The following SNTB2 variants were observed in gnomAD, a reference collection of about 807,000 sequenced individuals.
The protein encoded by SNTB2 is beta-2-syntrophin.
SNTB2 carries 34 observed loss-of-function variants against 46.2 expected under a neutral mutation model. The observed-to-expected ratio is 0.74, with a 90% CI of 0.56 to 0.98. SNTB2 has a LOEUF of 0.98. Among genes scored for constraint, SNTB2 ranks in the 50% least tolerant of loss-of-function variants. SNTB2 has a pLI of 0.00. For missense variants in SNTB2, 603 were observed against 731.4 expected, an observed-to-expected ratio of 0.82 and a Z score of 2.02; for synonymous variants, 290 against 312.6, an observed-to-expected ratio of 0.93 and a Z score of 0.76.
intron 1 of SNTB2, among the ~76,000 whole-genome samples, chr16:69,213,741 AC>A (rs1375527423): frequency 1.4e-5 from 2 of 143,332 alleles, no homozygotes; most frequent in Non-Finnish European, 3.0e-5. Context: ...CTTGTGTTCC[AC>A]CCGCCTTAGC....
chr16:69,252,941 C>T (rs1964739920), intron 2 of SNTB2, among the ~76,000 whole-genome samples: 1 of 150,314 alleles, frequency 6.7e-6, no homozygotes, highest in Admixed American at 6.6e-5. Context: ...TCTTTGTCGC[C>T]CAGGCAGGAG....
chr16:69,273,090 G>A (rs1286411549), intron 4 of SNTB2, among the ~76,000 whole-genome samples: 1 of 152,114 alleles, frequency 6.6e-6, no homozygotes, highest in East Asian at 1.9e-4. Context: ...AATAAAAAGT[G>A]TGAACAACGA....
chr16:69,290,826 AG>A lies in SNTB2; in HGVS notation c.1345+6583del, dbSNP rs1965153387. On this transcript the variant is annotated intron_variant, in intron 5 of 6. Coordinates refer to ENST00000336278, the MANE Select transcript of SNTB2 (RefSeq NM_006750.4). ...TTTTCAAGATATGGGAACTGGTGTT[AG>A]TATGGTTAGGACTTGAACTGGGGCC... Among the ~76,000 whole-genome samples, 6 of 152,180 alleles carry A rather than the reference AG, an allele frequency of 3.9e-5. No individual in the cohort carries two copies. In the South Asian group the frequency reaches 1.2e-3, roughly 32 times the overall value.
intron 1 of SNTB2, among the ~76,000 whole-genome samples, chr16:69,236,215 A>G (rs941055209): frequency 2.2e-4 from 33 of 152,154 alleles, no homozygotes; most frequent in African/African-American, 8.0e-4. Context: ...TGGAAAGATG[A>G]ATTTATACAC....
In SNTB2 at chr16:69,227,330, T is replaced by C. The variant is rs112810439; in HGVS notation, c.581-18272T>C. 2.7e-3 allele frequency among the ~76,000 whole-genome samples: 412 copies of C among 152,360 alleles called. 1 individual carries two copies. The highest frequency in any genetic ancestry group is 4.6e-3 in the Admixed American group (70 of 15,292). On this transcript the variant is annotated intron_variant, in intron 1 of 6. Coordinates refer to ENST00000336278, the MANE Select transcript of SNTB2 (RefSeq NM_006750.4). Reference sequence around the variant, plus strand: ...CAATGCACTGACAATTTTTGACCAATGTATAAAATTTATTTGTGCTACACC... The same window carrying C: ...CAATGCACTGACAATTTTTGACCAACGTATAAAATTTATTTGTGCTACACC...
intron 1 of SNTB2, among the ~76,000 whole-genome samples, chr16:69,214,347 C>G (rs1400040718): frequency 6.6e-6 from 1 of 150,726 alleles, no homozygotes; most frequent in Non-Finnish European, 1.5e-5. Context: ...AGAGTTTCAC[C>G]ATGTTGGCCA....
At chr16:69,199,747 A>G (rs1355604768) in intron 1 of SNTB2, among the ~76,000 whole-genome samples, 2 of 152,136 alleles carry the variant, frequency 1.3e-5, no homozygotes, top group African/African-American at 4.8e-5. Flanking sequence ...GTGAATGGGC[A>G]AGACTCTCAT....
At chr16:69,249,759 T>A (rs1964707748) in intron 2 of SNTB2, among the ~76,000 whole-genome samples, 1 of 152,170 alleles carries the variant, frequency 6.6e-6, no homozygotes, top group African/African-American at 2.4e-5. Context: ...GTTTTGAGAT[T>A]CTCAGTCTTA....
At chr16:69,189,073 T>C (rs943731476) in intron 1 of SNTB2, among the ~76,000 whole-genome samples, 2 of 152,112 alleles carry the variant, frequency 1.3e-5, no homozygotes, top group African/African-American at 4.8e-5. Context: ...CTTGGCACAA[T>C]GGATTTTCAC....
rs1965271590 is a variant in SNTB2 at position 69,300,837 on chromosome 16, G to A, written c.1536G>A (p.Met512Ile). Residue 512 changes from methionine to isoleucine, a missense_variant, in exon 7 of 7, where the codon ATG becomes ATA. By Grantham distance (10) the Met-to-Ile change is conservative. This residue lies in a region of SNTB2 where 537 missense variants were observed against 692.4 expected (regional missense o/e 0.78). Transcript: ENST00000336278. ...DFGGPEGELT[M>I]DLHSCPKPIV... ...TTAGTGTCCTTTCTCCACAGACCAT[G>A]GACCTGCACTCTTGTCCGAAGCCGA... 1 of 1,611,880 alleles carries A rather than the reference G, an allele frequency of 6.2e-7. No homozygotes were observed. Among genetic ancestry groups the A allele is most frequent in the East Asian group, 2.2e-5 (1 of 44,880 alleles).
At chr16:69,203,758 T>TTAA (rs1964188307) in intron 1 of SNTB2, among the ~76,000 whole-genome samples, 2 of 152,248 alleles carry the variant, frequency 1.3e-5, no homozygotes, top group Admixed American at 6.5e-5. Flanking sequence ...TGCTTGTTTA[T>TTAA]TAATAATAAT....
At chr16:69,244,293 G>A (rs1463416656) in intron 1 of SNTB2, among the ~76,000 whole-genome samples, 1 of 152,180 alleles carries the variant, frequency 6.6e-6, no homozygotes, top group African/African-American at 2.4e-5. Flanking sequence ...AGCACGGTAA[G>A]CATAATGTAC....
rs773309879 is a variant in SNTB2, at chr16:69,284,228, C to G, written c.1329C>G (p.Ile443Met). The G allele has an allele frequency of 1.2e-6, 2 of 1,610,648 alleles. No homozygotes were observed. The highest frequency in any genetic ancestry group is 4.5e-5 in the East Asian group (2 of 44,818). The change falls in exon 5 of 7, where the codon ATC (isoleucine) becomes ATG (methionine). Residue 443 changes from isoleucine (I) to methionine (M), a missense_variant. Ile to Met is a conservative substitution (Grantham distance 10). This residue lies in a region of SNTB2 where 537 missense variants were observed against 692.4 expected (regional missense o/e 0.78). Transcript: ENST00000336278. ...VQGCHAAAEL[I>M]KEVSLGCMLN... is the part of the protein sequence containing the mutation. ...GTTGCCATGCTGCTGCTGAGCTGAT[C>G]AAGGAAGTCTCTCTAGGTAGAGATG... is the stretch of plus-strand genomic sequence containing the variant.
intron 4 of SNTB2, among the ~76,000 whole-genome samples, chr16:69,280,594 C>CA (rs1244730371): frequency 7.0e-6 from 1 of 142,520 alleles, no homozygotes; most frequent in African/African-American, 2.9e-5. Flanking sequence ...GGGGGCTGAA[C>CA]CCCCCACCTC....
chr16:69,187,894 A>T, intron 1 of SNTB2, 148 bp downstream of exon 1: 1 of 673,390 alleles, frequency 1.5e-6, no homozygotes, highest in Non-Finnish European at 2.3e-6. Flanking sequence ...GTGTGGAAAA[A>T]CGGATGCTTC....
At chr16:69,234,488 G>A (rs1964538051) in intron 1 of SNTB2, among the ~76,000 whole-genome samples, 1 of 152,142 alleles carries the variant, frequency 6.6e-6, no homozygotes, top group Non-Finnish European at 1.5e-5. Flanking sequence ...TTAAGTGTGG[G>A]ACTAAAAAGT....
At chr16:69,227,130 C>T (rs769073543) in intron 1 of SNTB2, among the ~76,000 whole-genome samples, 1 of 152,158 alleles carries the variant, frequency 6.6e-6, no homozygotes, top group Non-Finnish European at 1.5e-5. Flanking sequence ...TTAGCAACAA[C>T]ATTTAACTGA....
intron 2 of SNTB2, among the ~76,000 whole-genome samples, chr16:69,256,425 T>G (rs896339302): frequency 6.6e-6 from 1 of 152,180 alleles, no homozygotes. Flanking sequence ...GTACAACCAA[T>G]GTCCAGAAAT....
intron 1 of SNTB2, among the ~76,000 whole-genome samples, chr16:69,239,869 A>G (rs746414797): frequency 5.9e-5 from 9 of 152,106 alleles, no homozygotes; most frequent in Admixed American, 2.6e-4. Context: ...TTTTCATCAT[A>G]TATTTTTTTC....
Sources: gnomAD v4.1 joint callset for allele counts (sites outside exome capture counted in the v4.1 genomes callset) on GRCh38, gnomAD v4.1.1 for gene constraint, gnomAD v4.1.1 regional missense constraint, MANE v1.5 for transcripts, NCBI Gene and HGNC (gene_info 2026-07-23, HGNC 2026-07-21) for gene names.